Variants in IREB2 observed in about 807,000 individuals in gnomAD.
IREB2 encodes iron responsive element binding protein 2, also known as iron-responsive element-binding protein 2.
A neutral mutation model predicts 118.8 loss-of-function variants in IREB2; 39 were observed. The observed-to-expected ratio is 0.33, with a 90% CI of 0.25 to 0.43. The LOEUF is 0.43. Among genes scored for constraint, IREB2 ranks in the 20% least tolerant of loss-of-function variants. The pLI, the probability that IREB2 is intolerant of heterozygous loss-of-function variation, is 1.00. For synonymous variants in IREB2, 372 were observed against 392.2 expected, an observed-to-expected ratio of 0.95 and a Z score of 0.61; for missense variants, 900 against 1,147.3, an observed-to-expected ratio of 0.78 and a Z score of 3.11.
chr15:78,466,194 A>C (rs1300588518), intron 4 of IREB2, 77 bp from the exon 5 acceptor site: 1 of 872,896 alleles, frequency 1.1e-6, no homozygotes, highest in Non-Finnish European at 1.8e-6. Context: ...TAGCGTTGCT[A>C]ATGTGCGTTT....
At chr15:78,478,149 G>T in intron 9 of IREB2, 148 bp from the exon 10 acceptor site, 1 of 546,274 alleles carries the variant, frequency 1.8e-6, no homozygotes, top group Non-Finnish European at 3.3e-6. Flanking sequence ...TGGGAGGATT[G>T]CTTGAGCTCG....
At position 78,466,579 on chromosome 15, in the gene IREB2, T is replaced by G. The variant is rs1486004362; in HGVS notation, c.629+90T>G. On this transcript the variant is annotated intron_variant, in intron 5 of 21. Transcript: ENST00000258886. Reference sequence around the variant, plus strand: ...TTATTCTCTTCCCACCCAATTACTATTATGTTACCTTCACACTTAAGTACT... The same window carrying G: ...TTATTCTCTTCCCACCCAATTACTAGTATGTTACCTTCACACTTAAGTACT... 1.5e-5 allele frequency: 12 copies of G among 814,422 alleles called. No individual in the cohort carries two copies. In the Middle Eastern group the frequency reaches 1.1e-3, roughly 74 times the overall value. 50.4% of individuals were successfully genotyped at this position (814,422 alleles called of 1,614,324 possible).
chr15:78,470,696 T>C (rs2051360965), intron 6 of IREB2, 95 bp downstream of exon 6: 1 of 594,286 alleles, frequency 1.7e-6, no homozygotes, highest in Non-Finnish European at 2.7e-6. Context: ...TTCCTTTTTT[T>C]TTTTTTTTTT....
rs78870290 is a variant in IREB2, at chr15:78,498,499, A to G, written c.*356A>G. 0.021 allele frequency: 3,501 copies of G among 165,004 alleles called. 136 individuals carry two copies. Among genetic ancestry groups the G allele is most frequent in the East Asian group, 0.093 (529 of 5,676 alleles). 10.2% of individuals were successfully genotyped at this position (165,004 alleles called of 1,614,324 possible). ...CCTGGATTTGTTTAGTTTTGCACCA[A>G]TAAAACTGTGTACTACTGTTTGTTG... is the stretch of plus-strand genomic sequence containing the variant. On this transcript the variant is annotated 3_prime_UTR_variant, in exon 22 of 22. Transcript: ENST00000258886.
chr15:78,497,087 A>G (rs2051848378), intron 20 of IREB2, 39 bp from the exon 21 acceptor site: 1 of 1,528,264 alleles, frequency 6.5e-7, no homozygotes, highest in Non-Finnish European at 9.0e-7. Flanking sequence ...AATAACTTTC[A>G]GAAGTGATTA....
At chr15:78,479,572 T>A (rs1316200853) in intron 10 of IREB2, among the ~76,000 whole-genome samples, 1 of 152,014 alleles carries the variant, frequency 6.6e-6, no homozygotes, top group African/African-American at 2.4e-5. Context: ...AAAATAATAG[T>A]AGTGACTCTT....
intron 2 of IREB2, among the ~76,000 whole-genome samples, chr15:78,456,498 A>G (rs890559459): frequency 2.0e-5 from 3 of 151,800 alleles, no homozygotes; most frequent in East Asian, 1.9e-4. Context: ...CCCTATTGCT[A>G]CAAAAAAAAA....
chr15:78,460,199 A>G (rs1402024105), intron 2 of IREB2, among the ~76,000 whole-genome samples: 1 of 152,130 alleles, frequency 6.6e-6, no homozygotes, highest in East Asian at 1.9e-4. Context: ...TAGATCCATT[A>G]TTTCATTAGG....
rs1459498557 is a variant in IREB2, at chr15:78,498,206, G to T, written c.*63G>T. 8.0e-6 allele frequency: 7 copies of T among 879,340 alleles called. No homozygotes were observed. The highest frequency in any genetic ancestry group is 1.3e-5 in the Non-Finnish European group (7 of 525,194). 54.5% of individuals were successfully genotyped at this position (879,340 alleles called of 1,614,324 possible). On this transcript the variant is annotated 3_prime_UTR_variant, in exon 22 of 22. Coordinates refer to ENST00000258886, the MANE Select transcript of IREB2 (RefSeq NM_004136.4). The stretch of plus-strand genomic sequence containing the variant: ...TGCAAAGCCTTTTGTGCTGGACCCA[G>T]GAATCCTTACCATGGAGCAGCAGAT...
intron 2 of IREB2, among the ~76,000 whole-genome samples, chr15:78,441,572 T>C (rs1338933725): frequency 6.6e-6 from 1 of 152,248 alleles, no homozygotes; most frequent in Non-Finnish European, 1.5e-5. Flanking sequence ...TTTCTGTGTA[T>C]AATCTGTAGA....
At position 78,490,472 on chromosome 15, in the gene IREB2, T is replaced by C; in HGVS notation, c.2127T>C (p.Phe709=). The C allele has an allele frequency of 6.2e-7, 1 of 1,609,716 alleles. No homozygotes were observed. The highest frequency in any genetic ancestry group is 8.5e-7 in the Non-Finnish European group (1 of 1,178,868). Reference sequence around the variant, plus strand: ...TAGAAGCACCGGATTCAGTTTTGTTTCCATGGGACTTAAAGTCTACTTATA... The same window carrying C: ...TAGAAGCACCGGATTCAGTTTTGTTCCCATGGGACTTAAAGTCTACTTATA... ...NSLEAPDSVL[F]PWDLKSTYIR... is the part of the protein sequence containing the mutation. The change falls in exon 17 of 22, where the codon TTT becomes TTC. Residue 709 remains phenylalanine (F), a synonymous_variant. Transcript: ENST00000258886.
chr15:78,445,578 G>C (rs556275329), intron 2 of IREB2, among the ~76,000 whole-genome samples: 41 of 152,242 alleles, frequency 2.7e-4, no homozygotes, highest in Non-Finnish European at 4.1e-4. Context: ...GCCAGAGGCA[G>C]TGTTCTGTTT....
At chr15:78,493,881 A>G in intron 18 of IREB2, 28 bp from the exon 19 acceptor site, 1 of 1,595,022 alleles carries the variant, frequency 6.3e-7, no homozygotes, top group South Asian at 1.1e-5. Context: ...ACATGTAATG[A>G]AAACTGACTT....
At chr15:78,469,590 G>T (rs1462964995) in intron 5 of IREB2, among the ~76,000 whole-genome samples, 1 of 152,042 alleles carries the variant, frequency 6.6e-6, no homozygotes, top group Non-Finnish European at 1.5e-5. Context: ...GGGTGTGGTG[G>T]TGCATACCTG....
rs370273222 is a variant in IREB2, at chr15:78,473,237, G to A, written c.884-5G>A. The A allele has an allele frequency of 8.0e-5, 129 of 1,612,966 alleles. No homozygotes were observed. The highest frequency in any genetic ancestry group is 1.7e-4 in the Middle Eastern group (1 of 6,060). On this transcript the variant is annotated splice_polypyrimidine_tract_variant and splice_region_variant and intron_variant, in intron 7 of 21. Transcript: ENST00000258886. ...GTGCTAATATACCTGTCTTTATTAC[G>A]TTAGGGGTTGGAGGCATTGAAACAG...
At chr15:78,490,886 G>A in intron 18 of IREB2, 125 bp downstream of exon 18, 2 of 861,904 alleles carry the variant, frequency 2.3e-6, no homozygotes, top group Admixed American at 4.7e-5. Flanking sequence ...GACTGCCAAT[G>A]TGTTTGTCTT....
chr15:78,440,441 C>T (rs1257535010), intron 2 of IREB2, among the ~76,000 whole-genome samples: 1 of 151,690 alleles, frequency 6.6e-6, no homozygotes, highest in African/African-American at 2.4e-5. Flanking sequence ...ATAGCTCATA[C>T]AGCCTTGAAC....
chr15:78,457,722 T>A lies in IREB2; in HGVS notation c.107-5200T>A, dbSNP rs190233761. On this transcript the variant is annotated intron_variant, in intron 2 of 21. Coordinates refer to ENST00000258886, the MANE Select transcript of IREB2 (RefSeq NM_004136.4). ...TCTAGTAATACTTTGTTTTTCAAAA[T>A]TTTTTTGGCTTTGCCTCACCCTGTC... 4.0e-3 allele frequency among the ~76,000 whole-genome samples: 606 copies of A among 152,254 alleles called. 2 individuals are homozygous for A. Among genetic ancestry groups the A allele is most frequent in the Non-Finnish European group, 6.4e-3 (438 of 68,022 alleles).
chr15:78,500,103 G>T lies in IREB2; in HGVS notation c.*1960G>T, dbSNP rs1464239563. The T allele has an allele frequency of 6.6e-6, 1 of 152,348 alleles. No homozygotes were observed. The highest frequency in any genetic ancestry group is 1.5e-5 in the Non-Finnish European group (1 of 68,232). 9.4% of individuals were successfully genotyped at this position (152,348 alleles called of 1,614,324 possible). A position where few individuals can be genotyped will look rare whatever the true frequency, so the allele number is the denominator to read the frequency against. ...TTGACCTCGTGATCCGCCCGCCTTG[G>T]CCTCCACAAGTGCTGGGATTACAGG... On this transcript the variant is annotated 3_prime_UTR_variant, in exon 22 of 22. Coordinates refer to ENST00000258886, the MANE Select transcript of IREB2 (RefSeq NM_004136.4).
Sources: gnomAD v4.1 joint callset for allele counts (sites outside exome capture counted in the v4.1 genomes callset) on GRCh38, gnomAD v4.1.1 for gene constraint, MANE v1.5 for transcripts, NCBI Gene and HGNC (gene_info 2026-07-23, HGNC 2026-07-21) for gene names.